Variants in SENP2 observed in about 807,000 individuals in gnomAD.
SENP2 encodes sentrin-specific protease 2.
A neutral mutation model predicts 86.3 loss-of-function variants in SENP2; 16 were observed. That is an observed-to-expected ratio of 0.19 (90% CI 0.13 to 0.28). The LOEUF is 0.28. SENP2 is among the 10% of genes least tolerant of loss of function. The pLI is 1.00. For synonymous variants in SENP2, 222 were observed against 238.7 expected, an observed-to-expected ratio of 0.93 and a Z score of 0.64; for missense variants, 552 against 703.0, an observed-to-expected ratio of 0.79 and a Z score of 2.43.
intron 6 of SENP2, chr3:185,606,934 A>G: frequency 3.1e-6 from 1 of 325,114 alleles, no homozygotes; most frequent in South Asian, 2.8e-5. Flanking sequence ...ATTTTTAATG[A>G]ATATTTTTGG....
chr3:185,611,482 T>C, intron 7 of SENP2, 169 bp from the exon 8 acceptor site: 1 of 473,836 alleles, frequency 2.1e-6, no homozygotes, highest in East Asian at 3.3e-5. Context: ...GAATCATGAT[T>C]AGACTCCTTT....
intron 4 of SENP2, among the ~76,000 whole-genome samples, chr3:185,600,364 T>G (rs1221365802): frequency 2.0e-5 from 3 of 152,176 alleles, no homozygotes; most frequent in African/African-American, 7.2e-5. Context: ...GGGAGCCAGA[T>G]GTGTTTAGGA....
chr3:185,616,110 C>T (rs1253149333), intron 11 of SENP2, among the ~76,000 whole-genome samples: 4 of 147,052 alleles, frequency 2.7e-5, no homozygotes, highest in Non-Finnish European at 4.5e-5. Context: ...ATCCGCCCGT[C>T]TTGGCTTCCC....
In SENP2 at chr3:185,586,875, T is replaced by G. The variant is rs1721801321; in HGVS notation, c.101+361T>G. Reference sequence around the variant, plus strand: ...GCAAGTGTCATCTGCAGACATTAAGTGCAGTTGAAGTGAGATTCATAGCTT... The same window carrying G: ...GCAAGTGTCATCTGCAGACATTAAGGGCAGTTGAAGTGAGATTCATAGCTT... On this transcript the variant is annotated intron_variant, in intron 1 of 16. Coordinates refer to ENST00000296257, the MANE Select transcript of SENP2 (RefSeq NM_021627.3). This position sits in a 1 kb window ranked among gnomAD's most constrained non-coding sequence, Gnocchi z 4.3. 6.6e-6 allele frequency among the ~76,000 whole-genome samples: 1 copy of G among 152,228 alleles called. No homozygotes were observed. Among genetic ancestry groups the G allele is most frequent in the Non-Finnish European group, 1.5e-5 (1 of 68,042 alleles).
At chr3:185,611,402 G>T in intron 7 of SENP2, 1 of 355,692 alleles carries the variant, frequency 2.8e-6, no homozygotes, top group South Asian at 5.3e-5. Context: ...GTGCATCACT[G>T]GGGATTCAGA....
intron 16 of SENP2, among the ~76,000 whole-genome samples, chr3:185,628,920 C>T (rs1186732338): frequency 6.6e-6 from 1 of 152,150 alleles, no homozygotes; most frequent in African/African-American, 2.4e-5. Context: ...TCAGTTAAAG[C>T]AGAATCATTT....
chr3:185,593,107 C>T (rs1722061809), intron 2 of SENP2, among the ~76,000 whole-genome samples: 2 of 152,128 alleles, frequency 1.3e-5, no homozygotes, highest in South Asian at 4.2e-4. Flanking sequence ...TATGTTAGCC[C>T]AGGTCTTGAA....
chr3:185,612,517 TG>T (rs1722730849), intron 8 of SENP2, 89 bp from the exon 9 acceptor site: 2 of 357,756 alleles, frequency 5.6e-6, no homozygotes, highest in Non-Finnish European at 8.6e-6. Context: ...AGGAATGTCT[TG>T]ATGTTGTGGA....
At chr3:185,601,958 A>AT (rs1722360915) in intron 5 of SENP2, among the ~76,000 whole-genome samples, 1 of 152,020 alleles carries the variant, frequency 6.6e-6, no homozygotes, top group African/African-American at 2.4e-5. Context: ...TTTTAAAAAC[A>AT]TTTTTTACTA....
chr3:185,592,415 G>C (rs533065146), intron 2 of SENP2, among the ~76,000 whole-genome samples: 7 of 152,026 alleles, frequency 4.6e-5, no homozygotes, highest in Non-Finnish European at 1.0e-4. Flanking sequence ...AAGGAAAAAG[G>C]CATAGTAAAA....
intron 10 of SENP2, among the ~76,000 whole-genome samples, chr3:185,614,243 T>TAA (rs1711516110): frequency 1.3e-5 from 2 of 152,236 alleles, no homozygotes; most frequent in Non-Finnish European, 2.9e-5. Flanking sequence ...TTTTTGCTGT[T>TAA]TAAAACTTTC....
At chr3:185,615,750 A>G (rs1250832945) in intron 11 of SENP2, among the ~76,000 whole-genome samples, 3 of 152,236 alleles carry the variant, frequency 2.0e-5, no homozygotes, top group South Asian at 4.1e-4. Context: ...TTCCATAAGG[A>G]GTCAATTGCT....
chr3:185,613,311 C>T (rs1722754431), intron 9 of SENP2, 34 bp from the exon 10 acceptor site: 1 of 1,221,388 alleles, frequency 8.2e-7, no homozygotes, highest in Middle Eastern at 1.9e-4. Context: ...AATCATCTAG[C>T]AGAAGTCTAT....
At chr3:185,587,947 G>A (rs1721849459) in intron 1 of SENP2, among the ~76,000 whole-genome samples, 1 of 144,904 alleles carries the variant, frequency 6.9e-6, no homozygotes, top group African/African-American at 2.6e-5. Context: ...CACCATCTTG[G>A]CCAGGCTAGT....
At chr3:185,606,571 C>G in intron 6 of SENP2, 73 bp downstream of exon 6, 4 of 1,260,912 alleles carry the variant, frequency 3.2e-6, no homozygotes, top group Non-Finnish European at 4.3e-6. Context: ...TAGAGACACT[C>G]AGAATGGTTC....
At chr3:185,589,707 T>C (rs552749161) in intron 1 of SENP2, among the ~76,000 whole-genome samples, 44 of 152,338 alleles carry the variant, frequency 2.9e-4, no homozygotes, top group Middle Eastern at 6.8e-3. Flanking sequence ...TCTCACTCTT[T>C]TGATTAGGCT....
chr3:185,588,787 C>T (rs547820063), intron 1 of SENP2, among the ~76,000 whole-genome samples: 23 of 152,286 alleles, frequency 1.5e-4, no homozygotes, highest in African/African-American at 5.3e-4. Flanking sequence ...ACTCTGGGGC[C>T]TTTTGCAGAG....
chr3:185,614,472 C>T (rs1711527906), intron 10 of SENP2, 92 bp from the exon 11 acceptor site: 1 of 1,187,834 alleles, frequency 8.4e-7, no homozygotes, highest in Non-Finnish European at 1.2e-6. Context: ...TTTTCTTTCA[C>T]ATTAGTGGCA....
intron 1 of SENP2, among the ~76,000 whole-genome samples, chr3:185,587,217 C>T (rs529886935): frequency 4.9e-4 from 74 of 152,206 alleles, no homozygotes; most frequent in African/African-American, 1.6e-3. Context: ...ACCGCAACCT[C>T]CGCCTCCTGG....
Sources: gnomAD v4.1 joint callset for allele counts (sites outside exome capture counted in the v4.1 genomes callset) on GRCh38, gnomAD v4.1.1 for gene constraint, Gnocchi (gnomAD v3.1) non-coding constraint, MANE v1.5 for transcripts, NCBI Gene and HGNC (gene_info 2026-07-23, HGNC 2026-07-21) for gene names.